ALLC: variants seen among roughly 807,000 people sequenced by gnomAD.
ALLC encodes the protein allantoicase.
In ALLC, 40 loss-of-function variants were observed where a neutral mutation model predicts 45.0. The ratio of observed to expected loss-of-function variants is 0.89; its 90% CI spans 0.69 to 1.16. The LOEUF (loss-of-function observed/expected upper bound fraction) is 1.16, where lower values mean the gene tolerates loss of function less well. Among genes scored for constraint, ALLC ranks in the 50% most tolerant of loss-of-function variants. The pLI is 0.00. For missense variants in ALLC, 488 were observed against 493.1 expected (o/e 0.99, Z 0.10); for synonymous variants, 176 against 178.1 (o/e 0.99, Z 0.09).
At chr2:3,652,580 ATT>A in the ALLC span, among the ~76,000 whole-genome samples, 2,142 of 93,040 alleles carry the variant, frequency 0.023, 42 homozygotes, top group African/African-American at 0.07. Flanking sequence ...AAACTTTGTG[ATT>A]TTTTTTTTTT....
upstream of ALLC, among the ~76,000 whole-genome samples, chr2:3,657,477 C>T (rs779518777): frequency 6.6e-6 from 1 of 150,774 alleles, no homozygotes. Context: ...CCAGCTCAGT[C>T]CCTCCCTGCG....
upstream of ALLC, among the ~76,000 whole-genome samples, chr2:3,655,677 C>T (rs1032766710): frequency 6.6e-6 from 1 of 152,192 alleles, no homozygotes; most frequent in African/African-American, 2.4e-5. Flanking sequence ...CCAGGTTGGT[C>T]TCAAACCCCT....
chr2:3,676,433 C>T (rs796651958), intron 3 of ALLC, among the ~76,000 whole-genome samples: 14 of 152,240 alleles, frequency 9.2e-5, no homozygotes, highest in Admixed American at 2.6e-4. Context: ...CTGTGCCCAG[C>T]GAATTTTTAA....
chr2:3,693,126 A>T (rs1015191235), intron 7 of ALLC, among the ~76,000 whole-genome samples: 2 of 152,152 alleles, frequency 1.3e-5, no homozygotes, highest in Non-Finnish European at 2.9e-5. Flanking sequence ...ATTTTAGCAG[A>T]TATTCTTGAA....
chr2:3,651,959 C>T, the ALLC span, among the ~76,000 whole-genome samples: 1 of 152,234 alleles, frequency 6.6e-6, no homozygotes, highest in East Asian at 1.9e-4. Context: ...CCGGTGAGGG[C>T]TGAGGTCACC....
the ALLC span, among the ~76,000 whole-genome samples, chr2:3,647,063 G>T: frequency 6.6e-6 from 1 of 151,982 alleles, no homozygotes; most frequent in East Asian, 1.9e-4. Context: ...CTCAGCCCCC[G>T]CACCCCTCAT....
intron 1 of ALLC, among the ~76,000 whole-genome samples, chr2:3,664,910 C>G (rs1473962487): frequency 2.0e-5 from 3 of 151,402 alleles, no homozygotes; most frequent in Admixed American, 6.6e-5. Flanking sequence ...ACCAAAACCC[C>G]CCCCCAAACC....
At chr2:3,648,784 A>C in the ALLC span, among the ~76,000 whole-genome samples, 1 of 152,030 alleles carries the variant, frequency 6.6e-6, no homozygotes, top group Non-Finnish European at 1.5e-5. Flanking sequence ...GCATCACACG[A>C]CCCGCTGTGT....
At chr2:3,652,485 G>A in the ALLC span, among the ~76,000 whole-genome samples, 6 of 152,116 alleles carry the variant, frequency 3.9e-5, no homozygotes, top group Middle Eastern at 3.2e-3. Flanking sequence ...CATTTCTATG[G>A]TGGGAAGAAA....
chr2:3,695,743 T>G lies in ALLC; in HGVS notation c.538T>G (p.Phe180Val), dbSNP rs778833376. ...TGGTGGAATTGCACGACTTAGAGTATTCGGTACTGGACAAAAAGACTGGAC... is the reference window on the plus strand; with the variant it reads ...TGGTGGAATTGCACGACTTAGAGTAGTCGGTACTGGACAAAAAGACTGGAC... The part of the protein sequence containing the change: ...PDGGIARLRV[F>V]GTGQKDWTAT... Residue 180 changes from phenylalanine (F) to valine (V), a missense_variant, in exon 8 of 12, where the codon TTC becomes GTC. By Grantham distance (50) the Phe-to-Val change is conservative. Transcript: ENST00000252505. The G allele has an allele frequency of 1.9e-6, 3 of 1,614,022 alleles. No homozygotes were observed. Among genetic ancestry groups the G allele is most frequent in the Admixed American group, 1.7e-5 (1 of 60,022 alleles).
the ALLC span, among the ~76,000 whole-genome samples, chr2:3,652,970 G>A: frequency 6.6e-6 from 1 of 152,228 alleles, no homozygotes; most frequent in African/African-American, 2.4e-5. Flanking sequence ...AAGCTGGGCA[G>A]TTGTTATGGT....
the ALLC span, among the ~76,000 whole-genome samples, chr2:3,649,325 T>A: frequency 2.7e-5 from 4 of 149,536 alleles, no homozygotes; most frequent in Admixed American, 1.3e-4. Context: ...CACTGCAAAC[T>A]CCACCTCCTG....
At chr2:3,651,301 T>TG in the ALLC span, among the ~76,000 whole-genome samples, 3 of 7,770 alleles carry the variant, frequency 3.9e-4, no homozygotes, top group Non-Finnish European at 5.7e-4. Flanking sequence ...TCTTTTTGGG[T>TG]GGGTGGGTGG....
At chr2:3,663,512 C>T (rs1666625574) in intron 1 of ALLC, among the ~76,000 whole-genome samples, 1 of 152,074 alleles carries the variant, frequency 6.6e-6, no homozygotes, top group Non-Finnish European at 1.5e-5. Context: ...GTGCAGCAAA[C>T]CACCATGGCA....
intron 1 of ALLC, among the ~76,000 whole-genome samples, chr2:3,669,415 A>G (rs2147996613): frequency 6.6e-6 from 1 of 152,280 alleles, no homozygotes; most frequent in Admixed American, 6.5e-5. Context: ...CGGCGGTTGC[A>G]GTGAGCTGAG....
chr2:3,658,088 C>T (rs1463601190), upstream of ALLC: 6 of 152,496 alleles, frequency 3.9e-5, no homozygotes, highest in Non-Finnish European at 8.8e-5. Context: ...TGCTTGGCTT[C>T]TCCGGGGAGG....
At chr2:3,649,719 C>G in the ALLC span, among the ~76,000 whole-genome samples, 1 of 152,238 alleles carries the variant, frequency 6.6e-6, no homozygotes, top group East Asian at 1.9e-4. Flanking sequence ...AGGACGCTGT[C>G]CCATCGCAGG....
chr2:3,700,575 C>T (rs1040504560), intron 10 of ALLC, among the ~76,000 whole-genome samples: 1 of 152,154 alleles, frequency 6.6e-6, no homozygotes, highest in South Asian at 2.1e-4. Flanking sequence ...ACCTCTGGTA[C>T]ATACAATATG....
chr2:3,682,901 T>A, intron 6 of ALLC, 41 bp from the exon 7 acceptor site: 1 of 1,605,668 alleles, frequency 6.2e-7, no homozygotes, highest in Non-Finnish European at 8.5e-7. Flanking sequence ...GAATTTATTG[T>A]TTTCAAGAGC....
Sources: allele counts gnomAD v4.1 joint callset (sites outside exome capture counted in the v4.1 genomes callset), GRCh38; gene constraint gnomAD v4.1.1; transcripts MANE v1.5; gene names NCBI Gene and HGNC (gene_info 2026-07-23, HGNC 2026-07-21).